Variants in STAG1 observed in about 807,000 individuals in gnomAD.
STAG1 encodes the protein cohesin subunit SA-1.
STAG1 carries 26 observed loss-of-function variants against 170.9 expected under a neutral mutation model. The observed-to-expected ratio is 0.15, with a 90% CI of 0.11 to 0.21. The LOEUF (loss-of-function observed/expected upper bound fraction) is 0.21, where lower values mean the gene tolerates loss of function less well. Among genes scored for constraint, STAG1 ranks in the 10% least tolerant of loss-of-function variants. STAG1 has a pLI of 1.00. For synonymous variants in STAG1, 514 were observed against 497.7 expected (o/e 1.03, Z -0.44); for missense variants, 964 against 1,509.5 (o/e 0.64, Z 5.99).
At chr3:136,498,643 C>A (rs1349077801) in intron 9 of STAG1, among the ~76,000 whole-genome samples, 1 of 150,942 alleles carries the variant, frequency 6.6e-6, no homozygotes, top group Non-Finnish European at 1.5e-5. Context: ...TCAAATTATG[C>A]ACTTAAATGT....
intron 1 of STAG1, chr3:136,736,810 T>C: frequency 6.3e-7 from 1 of 1,586,684 alleles, no homozygotes; most frequent in South Asian, 1.1e-5. Context: ...CCTCTACAAT[T>C]GTAGGTTTTC....
chr3:136,583,075 A>T (rs1937628301), intron 4 of STAG1, among the ~76,000 whole-genome samples: 1 of 152,222 alleles, frequency 6.6e-6, no homozygotes, highest in African/African-American at 2.4e-5. Flanking sequence ...GTATCAACTA[A>T]GTCAATATTG....
chr3:136,478,818 G>T (rs1442060702), intron 9 of STAG1, among the ~76,000 whole-genome samples: 1 of 152,042 alleles, frequency 6.6e-6, no homozygotes, highest in Non-Finnish European at 1.5e-5. Context: ...CAACATAGTG[G>T]CTAAAAGTAC....
chr3:136,463,747 G>GTC (rs1559817307), intron 13 of STAG1, among the ~76,000 whole-genome samples: 5 of 80,030 alleles, frequency 6.2e-5, no homozygotes, highest in African/African-American at 1.5e-4. Flanking sequence ...GTGTGTGTGT[G>GTC]TGTGTGTGTG....
At chr3:136,687,359 G>T (rs1942563858) in intron 1 of STAG1, among the ~76,000 whole-genome samples, 1 of 151,966 alleles carries the variant, frequency 6.6e-6, no homozygotes, top group African/African-American at 2.4e-5. Context: ...GAGGAACAGG[G>T]TCATAAATGT....
At chr3:136,722,609 ACTCTCCCTCTCCCTCTCCCTCTCC>A (rs757130573) in intron 1 of STAG1, among the ~76,000 whole-genome samples, 1 of 143,650 alleles carries the variant, frequency 7.0e-6, no homozygotes, top group Admixed American at 6.8e-5. Flanking sequence ...GGAGAGCATG[ACTCTCCCTCTCCCTCTCCCTCTCC>A]CTCTCCCCCT....
Position 136,359,160 on chromosome 3 carries a change from G to C in STAG1, c.2924C>G (p.Ala975Gly), listed in dbSNP as rs1006344504. Reference sequence around the variant, plus strand: ...TTATCTCACTCACTTGTGAAGTGTGGCAACTGCTTCTCGTGTCTTAATCTG... The same window carrying C: ...TTATCTCACTCACTTGTGAAGTGTGCCAACTGCTTCTCGTGTCTTAATCTG... ...LDQIKTREAV[A>G]TLHKDGIEFA... The change falls in exon 27 of 34, where the codon GCC becomes GGC. Residue 975 changes from alanine (A) to glycine (G), a missense_variant. Coordinates refer to ENST00000383202, the MANE Select transcript of STAG1 (RefSeq NM_005862.3). The C allele has an allele frequency of 1.9e-6, 3 of 1,608,984 alleles. No individual in the cohort carries two copies. The Admixed American group carries it at 5.1e-5, about 27-fold the overall frequency.
At chr3:136,360,810 A>G (rs995229739) in intron 26 of STAG1, among the ~76,000 whole-genome samples, 2 of 152,072 alleles carry the variant, frequency 1.3e-5, no homozygotes, top group African/African-American at 4.8e-5. Flanking sequence ...CTGGGGCTAC[A>G]GGCGCCCGCC....
At chr3:136,665,513 C>T (rs937885425) in intron 1 of STAG1, among the ~76,000 whole-genome samples, 16 of 152,168 alleles carry the variant, frequency 1.1e-4, no homozygotes, top group Non-Finnish European at 2.1e-4. Context: ...GGCGCAGAGG[C>T]TCACACCTGT....
chr3:136,568,968 A>C (rs1937172873), intron 4 of STAG1, 107 bp from the exon 5 acceptor site: 2 of 709,758 alleles, frequency 2.8e-6, no homozygotes, highest in Non-Finnish European at 4.7e-6. Flanking sequence ...TCTGAACGAG[A>C]AAATTACTTA....
intron 21 of STAG1, among the ~76,000 whole-genome samples, chr3:136,408,511 A>G (rs1223043111): frequency 6.6e-6 from 1 of 152,088 alleles, no homozygotes; most frequent in Non-Finnish European, 1.5e-5. Flanking sequence ...TAAAAGTAAC[A>G]GCAAAAACCA....
chr3:136,735,664 G>A (rs1280315354), intron 1 of STAG1, among the ~76,000 whole-genome samples: 1 of 151,912 alleles, frequency 6.6e-6, no homozygotes. Context: ...CCAGACTGGA[G>A]TGCAATGGCG....
chr3:136,484,898 G>T (rs550065593), intron 9 of STAG1, among the ~76,000 whole-genome samples: 1 of 151,998 alleles, frequency 6.6e-6, no homozygotes, highest in Non-Finnish European at 1.5e-5. Context: ...TGACCCTTGC[G>T]CTTCCCAGGT....
chr3:136,342,230 AG>A (rs1266780146), intron 30 of STAG1, among the ~76,000 whole-genome samples: 2 of 151,966 alleles, frequency 1.3e-5, no homozygotes, highest in Non-Finnish European at 2.9e-5. Context: ...CATGTTAGTT[AG>A]GATGGTCTCG....
At chr3:136,406,265 A>G (rs1462331676) in intron 21 of STAG1, among the ~76,000 whole-genome samples, 8 of 152,214 alleles carry the variant, frequency 5.3e-5, no homozygotes, top group Non-Finnish European at 1.2e-4. Flanking sequence ...CATTACTTTC[A>G]GGAAGATATT....
Position 136,577,851 on chromosome 3 carries a change from G to A in STAG1, c.298-8990C>T, listed in dbSNP as rs575560460. Among the ~76,000 whole-genome samples, 65 of 152,294 alleles carry A rather than the reference G, an allele frequency of 4.3e-4. 3 individuals are homozygous for A. In the South Asian group the frequency reaches 0.013, roughly 31 times the overall value. ...CACGCCAAATTCATTGGTATCAGGC[G>A]CACTTACTAGAGATTCCAGACTTCA... On this transcript the variant is annotated intron_variant, in intron 4 of 33. Coordinates refer to ENST00000383202, the MANE Select transcript of STAG1 (RefSeq NM_005862.3).
intron 5 of STAG1, among the ~76,000 whole-genome samples, chr3:136,550,088 T>A (rs1181786732): frequency 1.3e-5 from 2 of 152,122 alleles, no homozygotes. Context: ...TTTCTTTTCG[T>A]GGTATCTTTT....
chr3:136,530,625 C>T (rs1181524181), intron 6 of STAG1, among the ~76,000 whole-genome samples: 2 of 152,002 alleles, frequency 1.3e-5, no homozygotes, highest in African/African-American at 4.8e-5. Flanking sequence ...CTCTGAAAAC[C>T]TTACAAATAC....
chr3:136,655,812 T>A (rs924338904), intron 1 of STAG1, among the ~76,000 whole-genome samples: 2 of 151,762 alleles, frequency 1.3e-5, no homozygotes, highest in Admixed American at 6.6e-5. Flanking sequence ...AGAACCCTTA[T>A]ATACTGTTGG....
Sources: gnomAD v4.1 joint callset for allele counts (sites outside exome capture counted in the v4.1 genomes callset) on GRCh38, gnomAD v4.1.1 for gene constraint, MANE v1.5 for transcripts, NCBI Gene and HGNC (gene_info 2026-07-23, HGNC 2026-07-21) for gene names.